FRMD6: variants seen among roughly 807,000 people sequenced by gnomAD.
FRMD6 encodes the protein FERM domain-containing protein 6.
A neutral mutation model predicts 73.2 loss-of-function variants in FRMD6; 37 were observed. The observed-to-expected ratio is 0.51, with a 90% CI of 0.39 to 0.66. The LOEUF is 0.66. Among genes scored for constraint, FRMD6 ranks in the 30% least tolerant of loss-of-function variants. The pLI is 0.00. For missense variants in FRMD6, 714 were observed against 780.5 expected (o/e 0.91, Z 1.02); for synonymous variants, 273 against 282.2 (o/e 0.97, Z 0.33).
In FRMD6 at chr14:51,720,349, G is replaced by T; in HGVS notation, c.1319G>T (p.Ser440Ile). Residue 440 changes from serine (S) to isoleucine (I), a missense_variant, in exon 11 of 14, where the codon AGT (serine) becomes ATT (isoleucine). Physicochemically the swap from Ser to Ile is moderately radical, Grantham distance 142 (BLOSUM62 -2). Coordinates refer to ENST00000344768, the MANE Select transcript of FRMD6 (RefSeq NM_001267046.2). Reference protein sequence around the residue: ...HGSSHTSGVESGGKDRLEEDL... With the variant: ...HGSSHTSGVEIGGKDRLEEDL... ...AGCTCCCACACCTCAGGGGTGGAGA[G>T]TGGCGGCAAAGACCGGCTGGAAGAG... The T allele has an allele frequency of 4.3e-6, 7 of 1,613,814 alleles. No individual in the cohort carries two copies. The highest frequency in any genetic ancestry group is 5.9e-6 in the Non-Finnish European group (7 of 1,180,040).
intron 2 of FRMD6, 149 bp downstream of exon 2, chr14:51,690,084 A>G: frequency 1.5e-6 from 1 of 662,712 alleles, no homozygotes; most frequent in East Asian, 2.7e-5. Flanking sequence ...CCATACATAC[A>G]TTAACTTAGC....
At chr14:51,419,667 G>A in the FRMD6 span, among the ~76,000 whole-genome samples, 1 of 152,146 alleles carries the variant, frequency 6.6e-6, no homozygotes, top group Non-Finnish European at 1.5e-5. Context: ...CCTTTCAGAA[G>A]ACCTATCTGA....
chr14:51,551,833 A>G (rs901319513), intron 1 of FRMD6, among the ~76,000 whole-genome samples: 14 of 151,972 alleles, frequency 9.2e-5, no homozygotes, highest in African/African-American at 3.4e-4. Flanking sequence ...ATTAACATCT[A>G]TTATATAAGT....
intron 2 of FRMD6, among the ~76,000 whole-genome samples, chr14:51,598,911 A>T (rs976307912): frequency 3.9e-5 from 6 of 152,164 alleles, no homozygotes; most frequent in Non-Finnish European, 8.8e-5. Context: ...ATAAATACCC[A>T]GTAATGGTAT....
intron 2 of FRMD6, among the ~76,000 whole-genome samples, chr14:51,593,745 C>T (rs139615481): frequency 3.9e-5 from 6 of 152,222 alleles, no homozygotes; most frequent in South Asian, 4.1e-4. Context: ...CCCTGACTCC[C>T]GTTTCTGGAT....
At chr14:51,621,291 G>C (rs1890916228) in intron 2 of FRMD6, among the ~76,000 whole-genome samples, 1 of 152,148 alleles carries the variant, frequency 6.6e-6, no homozygotes. Flanking sequence ...GAGCTGTCTT[G>C]ACATCCTCAC....
intron 1 of FRMD6, among the ~76,000 whole-genome samples, chr14:51,496,814 A>G (rs1883320404): frequency 6.6e-6 from 1 of 152,140 alleles, no homozygotes; most frequent in Admixed American, 6.5e-5. Flanking sequence ...AAGACACTTA[A>G]AGTCTCATCT....
the FRMD6 span, among the ~76,000 whole-genome samples, chr14:51,453,322 A>C: frequency 1.2e-4 from 18 of 152,058 alleles, no homozygotes; most frequent in South Asian, 8.3e-4. Flanking sequence ...TGTGGGAGGG[A>C]GGACAGGTTA....
chr14:51,529,110 C>T (rs1370874896), intron 1 of FRMD6, among the ~76,000 whole-genome samples: 1 of 152,162 alleles, frequency 6.6e-6, no homozygotes, highest in Non-Finnish European at 1.5e-5. Context: ...CCCTGCAGAC[C>T]TAGAAACATG....
At chr14:51,473,729 C>T in the FRMD6 span, among the ~76,000 whole-genome samples, 1 of 152,150 alleles carries the variant, frequency 6.6e-6, no homozygotes, top group Non-Finnish European at 1.5e-5. Context: ...TCTCTTATTC[C>T]CAGCCACACC....
chr14:51,701,106 C>T lies in FRMD6; in HGVS notation c.241C>T (p.Pro81Ser), dbSNP rs371224000. The stretch of plus-strand genomic sequence containing the variant: ...GTCACAAAAGCTTTACAAATATTGT[C>T]CAAAAGAATGGAAGAAAGAGGCCAG... ...ELSQKLYKYCPKEWKKEASKV... is the reference protein window; with the variant it reads ...ELSQKLYKYCSKEWKKEASKV... The change falls in exon 4 of 14, where the codon CCA (proline) becomes TCA (serine). Residue 81 changes from proline (P) to serine (S), a missense_variant. Coordinates refer to ENST00000344768, the MANE Select transcript of FRMD6 (RefSeq NM_001267046.2). 4.6e-5 allele frequency: 72 copies of T among 1,576,476 alleles called. 1 individual carries two copies. The highest frequency in any genetic ancestry group is 1.2e-4 in the Admixed American group (7 of 57,484).
chr14:51,399,332 T>G, the FRMD6 span, among the ~76,000 whole-genome samples: 5 of 152,212 alleles, frequency 3.3e-5, no homozygotes, highest in African/African-American at 1.2e-4. Context: ...TCACAGTTAC[T>G]TGAAAATATT....
the FRMD6 span, among the ~76,000 whole-genome samples, chr14:51,414,178 T>G: frequency 6.6e-6 from 1 of 152,242 alleles, no homozygotes; most frequent in Non-Finnish European, 1.5e-5. Context: ...TTTGTCTATT[T>G]TGGCTTTTGT....
At chr14:51,509,528 AAAAAC>A (rs149803242) in intron 1 of FRMD6, among the ~76,000 whole-genome samples, 80,822 of 150,176 alleles carry the variant, frequency 0.54, 22,253 homozygotes, top group South Asian at 0.66. Context: ...CTCCGTCTCA[AAAAAC>A]AAAACAAAAC....
the FRMD6 span, among the ~76,000 whole-genome samples, chr14:51,460,934 A>G: frequency 8.8e-3 from 1,341 of 152,312 alleles, 7 homozygotes; most frequent in Non-Finnish European, 0.013. Flanking sequence ...TGTAAACATT[A>G]GAAGTATTGG....
At chr14:51,586,035 G>A (rs1889032889) in intron 2 of FRMD6, among the ~76,000 whole-genome samples, 1 of 148,202 alleles carries the variant, frequency 6.7e-6, no homozygotes, top group African/African-American at 2.5e-5. Context: ...GAATAATACT[G>A]CAGTAAATAT....
the FRMD6 span, among the ~76,000 whole-genome samples, chr14:51,417,079 G>A: frequency 6.6e-6 from 1 of 152,084 alleles, no homozygotes; most frequent in South Asian, 2.1e-4. Flanking sequence ...CCTGAATACA[G>A]CACTCTGATA....
At position 51,531,544 on chromosome 14, in the gene FRMD6, A is replaced by C. The variant is rs932560984; in HGVS notation, c.-209-38804A>C. On this transcript the variant is annotated intron_variant, in intron 1 of 14. Transcript: ENST00000356218. ...CAATTTGGTTAATAGTACGGTGCCA[A>C]TGTTTATTAGTTTTGATCATTATCA... Among the ~76,000 whole-genome samples, 6 of 152,234 alleles carry C rather than the reference A, an allele frequency of 3.9e-5. No individual in the cohort carries two copies. The South Asian group carries it at 1.0e-3, about 26-fold the overall frequency.
intron 1 of FRMD6, among the ~76,000 whole-genome samples, chr14:51,674,459 TCTGCTC>T (rs1241720934): frequency 6.6e-6 from 1 of 152,130 alleles, no homozygotes; most frequent in Non-Finnish European, 1.5e-5. Context: ...CTTGGAATAG[TCTGCTC>T]CTTGGGTTTC....
Sources: allele counts gnomAD v4.1 joint callset (sites outside exome capture counted in the v4.1 genomes callset), GRCh38; gene constraint gnomAD v4.1.1; transcripts MANE v1.5; gene names NCBI Gene and HGNC (gene_info 2026-07-23, HGNC 2026-07-21).